EHMT1: variants seen among roughly 807,000 people sequenced by gnomAD.
EHMT1 encodes the protein histone-lysine N-methyltransferase EHMT1.
A neutral mutation model predicts 147.2 loss-of-function variants in EHMT1; 15 were observed. The observed-to-expected ratio is 0.10, with a 90% CI of 0.07 to 0.16. The LOEUF (loss-of-function observed/expected upper bound fraction) is 0.16, where lower values mean the gene tolerates loss of function less well. EHMT1 is among the 10% of genes least tolerant of loss of function. EHMT1 has a pLI of 1.00. For missense variants in EHMT1, 1,587 were observed against 1,772.4 expected (o/e 0.90, Z 1.88); for synonymous variants, 795 against 709.6 (o/e 1.12, Z -1.91).
At position 137,619,067 on chromosome 9, in the gene EHMT1, C is replaced by CG. The variant is rs1408137356; in HGVS notation, c.21+24dup. On this transcript the variant is annotated intron_variant, in intron 1 of 26. Transcript: ENST00000460843. ...ATGCCGAGGTGAGCAGCGGGGCCGG[C>CG]GGGGGGCGGCGCGGGGGCGGCGGGC... 1.5e-5 allele frequency: 12 copies of CG among 818,996 alleles called. No homozygotes were observed. The highest frequency in any genetic ancestry group is 6.5e-5 in the Admixed American group (1 of 15,322). The allele number at this position is 818,996 out of a possible 1,614,324, so 50.7% of individuals were successfully genotyped here.
chr9:137,667,133 A>C (rs773076519), intron 1 of EHMT1: 2 of 152,260 alleles, frequency 1.3e-5, no homozygotes, highest in Non-Finnish European at 2.9e-5. Flanking sequence ...GCCATCGCTC[A>C]CGTGTCCCCA....
chr9:137,814,537 A>G (rs1325440391), intron 22 of EHMT1, 29 bp downstream of exon 22: 2 of 1,600,840 alleles, frequency 1.2e-6, no homozygotes, highest in Middle Eastern at 1.6e-4. Context: ...GCGTGGGCTC[A>G]GGTGGTAAGT....
intron 10 of EHMT1, 82 bp downstream of exon 10, chr9:137,762,902 C>T (rs79721954): frequency 1.0e-4 from 159 of 1,584,528 alleles, no homozygotes; most frequent in Admixed American, 7.6e-4. Flanking sequence ...GACAGCCCCT[C>T]GAGTGAGTTG....
chr9:137,824,532 C>T (rs1955677574), intron 25 of EHMT1, among the ~76,000 whole-genome samples: 1 of 152,058 alleles, frequency 6.6e-6, no homozygotes, highest in African/African-American at 2.4e-5. Context: ...GCCCGGGCGT[C>T]AGTACAGGCC....
intron 1 of EHMT1, among the ~76,000 whole-genome samples, chr9:137,686,373 C>G (rs965149738): frequency 2.6e-5 from 4 of 151,990 alleles, no homozygotes; most frequent in Admixed American, 1.3e-4. Context: ...TATTTTGAGG[C>G]AGTTTTAAAA....
At chr9:137,623,218 AAAAAAAAAG>A (rs1022932464) in intron 1 of EHMT1, among the ~76,000 whole-genome samples, 9 of 151,596 alleles carry the variant, frequency 5.9e-5, no homozygotes, top group African/African-American at 2.2e-4. Context: ...GTCTCAAAAA[AAAAAAAAAG>A]AAAAAAAAGA....
chr9:137,770,409 C>T (rs1950515835), intron 10 of EHMT1, among the ~76,000 whole-genome samples: 1 of 152,222 alleles, frequency 6.6e-6, no homozygotes, highest in Non-Finnish European at 1.5e-5. Context: ...GTCTGTAGTA[C>T]AACATTTCAG....
At chr9:137,766,023 C>T (rs1188210881) in intron 10 of EHMT1, among the ~76,000 whole-genome samples, 3 of 151,944 alleles carry the variant, frequency 2.0e-5, no homozygotes, top group South Asian at 2.1e-4. Flanking sequence ...AATGGGAGGT[C>T]GAGGCAGAAG....
At chr9:137,628,481 C>T (rs773975560) in intron 1 of EHMT1, among the ~76,000 whole-genome samples, 1 of 152,182 alleles carries the variant, frequency 6.6e-6, no homozygotes, top group Non-Finnish European at 1.5e-5. Context: ...TGGAGTCTCA[C>T]TGTGTTGCCC....
At chr9:137,714,484 G>T (rs1360982312) in intron 2 of EHMT1, among the ~76,000 whole-genome samples, 1 of 148,544 alleles carries the variant, frequency 6.7e-6, no homozygotes, top group African/African-American at 2.5e-5. Context: ...AATTCCACTT[G>T]TTCATGGTTT....
Position 137,775,073 on chromosome 9 carries a change from A to G in EHMT1, c.1648-36A>G. 1 of 1,613,620 alleles carries G rather than the reference A, an allele frequency of 6.2e-7. No homozygotes were observed. The highest frequency in any genetic ancestry group is 8.5e-7 in the Non-Finnish European group (1 of 1,179,920). On this transcript the variant is annotated intron_variant, in intron 10 of 26. Coordinates refer to ENST00000460843, the MANE Select transcript of EHMT1 (RefSeq NM_024757.5). This position sits in a 1 kb window ranked among gnomAD's most constrained non-coding sequence, Gnocchi z 6.1. ...TGGGAGGGAATGCCGGCCTCTCGTG[A>G]CTCTGACATTGACCACCAGTCTTGT...
At chr9:137,806,352 C>T (rs905858299) in intron 18 of EHMT1, among the ~76,000 whole-genome samples, 8 of 152,154 alleles carry the variant, frequency 5.3e-5, no homozygotes, top group Non-Finnish European at 8.8e-5. Flanking sequence ...CCTTGGTGGG[C>T]TCATGCTCCT....
chr9:137,772,356 A>G (rs1030332794), intron 10 of EHMT1, among the ~76,000 whole-genome samples: 2 of 75,176 alleles, frequency 2.7e-5, no homozygotes, highest in Non-Finnish European at 5.3e-5. Context: ...AGAATATTTA[A>G]TAAAACAGAC....
Position 137,813,347 on chromosome 9 carries a change from A to C in EHMT1, c.3036-39A>C, listed in dbSNP as rs998043398. ...CGCTGTGCCACCCCCTGGGCAGAGC[A>C]CGTCAGCCACCAGGTGACACCTGTC... On this transcript the variant is annotated intron_variant, in intron 20 of 26. Coordinates refer to ENST00000460843, the MANE Select transcript of EHMT1 (RefSeq NM_024757.5). This position sits in a 1 kb window ranked among gnomAD's most constrained non-coding sequence, Gnocchi z 4.9. 4 of 1,595,818 alleles carry C rather than the reference A, an allele frequency of 2.5e-6. No individual in the cohort carries two copies. The highest frequency in any genetic ancestry group is 3.4e-6 in the Non-Finnish European group (4 of 1,174,234).
chr9:137,769,220 T>G (rs1157665474), intron 10 of EHMT1, among the ~76,000 whole-genome samples: 1 of 152,204 alleles, frequency 6.6e-6, no homozygotes, highest in African/African-American at 2.4e-5. Flanking sequence ...ATTTTATATA[T>G]GCTAAAACTC....
chr9:137,798,416 G>GA lies in EHMT1; in HGVS notation c.2506-387dup, dbSNP rs952230651. On this transcript the variant is annotated intron_variant, in intron 16 of 26. Transcript: ENST00000460843. Reference sequence around the variant, plus strand: ...GACCCCATCTCAAAAAGGAGAGAAAGAAAAAAAAAACAAGATGTGCCCAGC... The same window carrying GA: ...GACCCCATCTCAAAAAGGAGAGAAAGAAAAAAAAAAACAAGATGTGCCCAGC... 3.2e-4 allele frequency among the ~76,000 whole-genome samples: 48 copies of GA among 147,714 alleles called. 1 individual carries two copies. The highest frequency in any genetic ancestry group is 2.2e-3 in the East Asian group (11 of 5,078).
intron 7 of EHMT1, among the ~76,000 whole-genome samples, chr9:137,752,628 G>C (rs1949060163): frequency 6.6e-6 from 1 of 152,238 alleles, no homozygotes; most frequent in Non-Finnish European, 1.5e-5. Flanking sequence ...CCTGGCACGG[G>C]GCTGCCCCAG....
intron 1 of EHMT1, among the ~76,000 whole-genome samples, chr9:137,641,974 G>T (rs1401694650): frequency 6.6e-6 from 1 of 151,890 alleles, no homozygotes; most frequent in Non-Finnish European, 1.5e-5. Context: ...TGAGTAGCTG[G>T]GACTACAGGC....
intron 7 of EHMT1, 38 bp from the exon 8 acceptor site, chr9:137,754,133 G>T (rs1272877014): frequency 6.2e-7 from 1 of 1,613,736 alleles, no homozygotes; most frequent in East Asian, 2.2e-5. Flanking sequence ...AGCTTCCTGT[G>T]CTTAGTGGTT....
Sources: gnomAD v4.1 joint callset for allele counts (sites outside exome capture counted in the v4.1 genomes callset) on GRCh38, gnomAD v4.1.1 for gene constraint, Gnocchi (gnomAD v3.1) non-coding constraint, MANE v1.5 for transcripts, NCBI Gene and HGNC (gene_info 2026-07-23, HGNC 2026-07-21) for gene names.